GABRR3: variants seen among roughly 807,000 people sequenced by gnomAD.
The protein encoded by GABRR3 is gamma-aminobutyric acid type A receptor subunit rho3, also known as gamma-aminobutyric acid receptor subunit rho-3.
Under a neutral mutation model 43.2 loss-of-function variants are expected in GABRR3, and 29 were observed. That is an observed-to-expected ratio of 0.67 (90% CI 0.50 to 0.92). GABRR3 has a LOEUF of 0.92. GABRR3 is among the 40% of genes least tolerant of loss of function. The probability of loss-of-function intolerance (pLI) is 0.00; values close to 1 mark genes in which losing one functional copy is unlikely to be tolerated. For synonymous variants in GABRR3, 206 were observed against 195.9 expected (o/e 1.05, Z -0.43); for missense variants, 576 against 572.3 (o/e 1.01, Z -0.07).
chr3:98,009,586 C>T (rs1331447488), intron 5 of GABRR3, among the ~76,000 whole-genome samples: 1 of 152,196 alleles, frequency 6.6e-6, no homozygotes, highest in East Asian at 1.9e-4. Flanking sequence ...AGCCAAAAGG[C>T]TTGCATACTG....
chr3:98,016,746 C>T (rs972039685), intron 4 of GABRR3, among the ~76,000 whole-genome samples: 2 of 152,088 alleles, frequency 1.3e-5, no homozygotes, highest in African/African-American at 4.8e-5. Flanking sequence ...TATGTAGGTG[C>T]TTGTATGTAT....
chr3:98,005,243 G>A (rs1021750696), intron 7 of GABRR3, among the ~76,000 whole-genome samples: 4 of 124,038 alleles, frequency 3.2e-5, no homozygotes, highest in African/African-American at 1.1e-4. Context: ...ACACACACAC[G>A]ATATGCACAG....
intron 9 of GABRR3, among the ~76,000 whole-genome samples, chr3:97,991,965 G>C (rs1028710474): frequency 6.6e-6 from 1 of 152,128 alleles, no homozygotes; most frequent in African/African-American, 2.4e-5. Flanking sequence ...ATATGTATGT[G>C]TGCGTATGTG....
At chr3:98,015,785 T>C (rs1043116778) in intron 4 of GABRR3, among the ~76,000 whole-genome samples, 15 of 152,190 alleles carry the variant, frequency 9.9e-5, no homozygotes, top group Admixed American at 3.9e-4. Context: ...GAACACGTGA[T>C]AGAGTTTGGA....
intron 2 of GABRR3, among the ~76,000 whole-genome samples, chr3:98,033,843 G>A (rs1221012694): frequency 6.6e-6 from 1 of 152,150 alleles, no homozygotes; most frequent in Non-Finnish European, 1.5e-5. Flanking sequence ...AGGGAAGTGT[G>A]AGCAGTAGTC....
intron 2 of GABRR3, among the ~76,000 whole-genome samples, chr3:98,026,365 G>A (rs1192171536): frequency 6.6e-6 from 1 of 152,110 alleles, no homozygotes; most frequent in African/African-American, 2.4e-5. Flanking sequence ...GCAGGCAGTG[G>A]CCTCTTGGCC....
intron 2 of GABRR3, among the ~76,000 whole-genome samples, chr3:98,031,232 C>T (rs1176816032): frequency 1.3e-5 from 2 of 152,194 alleles, no homozygotes; most frequent in East Asian, 3.9e-4. Context: ...CCACATCTCA[C>T]TTGGGTCTCT....
intron 2 of GABRR3, among the ~76,000 whole-genome samples, chr3:98,026,602 G>GTCATCATCATCATCATCATTAGCA (rs1707020662): frequency 9.8e-6 from 1 of 101,528 alleles, no homozygotes; most frequent in African/African-American, 3.2e-5. Context: ...AAAGGTGGCT[G>GTCATCATCATCATCATCATTAGCA]TCATCATCAT....
At chr3:97,986,799 C>T (rs757701504) in exon 10 of GABRR3, 2 of 1,611,538 alleles carry the variant, frequency 1.2e-6, no homozygotes, top group African/African-American at 2.7e-5. Context: ...CCAACATGTC[C>T]TCCTAGGGAT....
exon 8 of GABRR3, chr3:98,001,766 A>T (rs767273861): frequency 6.2e-7 from 1 of 1,612,724 alleles, no homozygotes; most frequent in Non-Finnish European, 8.5e-7. Context: ...TATTGTACCA[A>T]CCTGTGGAAA....
intron 7 of GABRR3, among the ~76,000 whole-genome samples, chr3:98,002,944 C>G (rs1395119478): frequency 6.6e-6 from 1 of 152,078 alleles, no homozygotes; most frequent in Non-Finnish European, 1.5e-5. Context: ...CTGGCCAACC[C>G]ACACTGAACT....
At chr3:98,006,881 T>C (rs1336363901) in intron 7 of GABRR3, among the ~76,000 whole-genome samples, 1 of 152,146 alleles carries the variant, frequency 6.6e-6, no homozygotes, top group Non-Finnish European at 1.5e-5. Flanking sequence ...AATTCAGAAA[T>C]ATATCTGTCA....
intron 8 of GABRR3, among the ~76,000 whole-genome samples, chr3:97,996,741 C>T (rs925824295): frequency 3.3e-5 from 5 of 152,192 alleles, no homozygotes; most frequent in Non-Finnish European, 5.9e-5. Context: ...AATGGAGAGA[C>T]ATAATCATAT....
At chr3:97,991,821 T>C (rs1211793188) in intron 9 of GABRR3, among the ~76,000 whole-genome samples, 1 of 151,660 alleles carries the variant, frequency 6.6e-6, no homozygotes, top group Non-Finnish European at 1.5e-5. Context: ...TATTAAATAA[T>C]GTTTGGTTGC....
At chr3:98,022,423 T>G (rs890699687) in intron 3 of GABRR3, among the ~76,000 whole-genome samples, 1 of 152,354 alleles carries the variant, frequency 6.6e-6, no homozygotes, top group East Asian at 1.9e-4. Context: ...GCAAGAGAAG[T>G]GCTGAAGTTA....
rs573865665 is a variant in GABRR3, at chr3:97,990,100, G to GTAA, written c.1104+2749_1104+2751dup. On this transcript the variant is annotated intron_variant, in intron 9 of 9. Transcript: ENST00000621172. ...ATTGGATTTGTTCCCACTCTTCCTA[G>GTAA]TAATACTCCTATTCCCTCAGGGCAG... Among the ~76,000 whole-genome samples the GTAA allele has an allele frequency of 5.1e-3, 777 of 152,214 alleles. 5 individuals are homozygous for GTAA. The highest frequency in any genetic ancestry group is 0.018 in the African/African-American group (732 of 41,506).
intron 9 of GABRR3, among the ~76,000 whole-genome samples, chr3:97,988,368 G>T (rs1014077647): frequency 6.6e-6 from 1 of 152,076 alleles, no homozygotes; most frequent in African/African-American, 2.4e-5. Context: ...ATGAGCTACC[G>T]CACCCAGCCA....
chr3:97,987,245 C>T (rs906448480), intron 9 of GABRR3, among the ~76,000 whole-genome samples: 1 of 152,134 alleles, frequency 6.6e-6, no homozygotes, highest in African/African-American at 2.4e-5. Context: ...AAGACTTTAG[C>T]TGCTCCATTG....
intron 2 of GABRR3, among the ~76,000 whole-genome samples, chr3:98,033,352 C>T (rs1277440386): frequency 2.6e-5 from 4 of 152,136 alleles, no homozygotes; most frequent in East Asian, 1.9e-4. Context: ...TCTGCTTTTG[C>T]ATAGGCTCTA....
Sources: gnomAD v4.1 joint callset for allele counts (sites outside exome capture counted in the v4.1 genomes callset) on GRCh38, gnomAD v4.1.1 for gene constraint, MANE v1.5 for transcripts, NCBI Gene and HGNC (gene_info 2026-07-23, HGNC 2026-07-21) for gene names.